SNTG1: variants seen among roughly 807,000 people sequenced by gnomAD.
SNTG1 encodes gamma-1-syntrophin.
A neutral mutation model predicts 74.7 loss-of-function variants in SNTG1; 39 were observed. That is an observed-to-expected ratio of 0.52 (90% confidence interval 0.40 to 0.68). The LOEUF (loss-of-function observed/expected upper bound fraction) is 0.68. SNTG1 is among the 30% of genes least tolerant of loss of function. SNTG1 has a pLI of 0.00. For synonymous variants in SNTG1, 254 were observed against 217.1 expected, an observed-to-expected ratio of 1.17 and a Z score of -1.49; for missense variants, 685 against 609.5, an observed-to-expected ratio of 1.12 and a Z score of -1.30.
At chr8:50,689,021 T>A (rs1277576899) in intron 15 of SNTG1, among the ~76,000 whole-genome samples, 8 of 151,132 alleles carry the variant, frequency 5.3e-5, no homozygotes, top group African/African-American at 2.0e-4. Flanking sequence ...TTGAAGCAAT[T>A]GTGAATGGGA....
At chr8:50,096,600 A>G (rs1041102130) in intron 1 of SNTG1, among the ~76,000 whole-genome samples, 1 of 152,190 alleles carries the variant, frequency 6.6e-6, no homozygotes, top group Non-Finnish European at 1.5e-5. Context: ...TCTGTTCATA[A>G]TATTACCTAC....
intron 1 of SNTG1, among the ~76,000 whole-genome samples, chr8:50,031,314 A>G (rs1320702746): frequency 6.6e-6 from 1 of 151,788 alleles, no homozygotes; most frequent in Non-Finnish European, 1.5e-5. Context: ...TTCTTTCCAG[A>G]TTTGTATGTC....
chr8:50,735,347 A>T (rs1364879264), intron 17 of SNTG1, among the ~76,000 whole-genome samples: 1 of 151,788 alleles, frequency 6.6e-6, no homozygotes, highest in Non-Finnish European at 1.5e-5. Flanking sequence ...CATGTTCTAA[A>T]CCAATGAAAG....
intron 15 of SNTG1, among the ~76,000 whole-genome samples, chr8:50,685,728 T>C (rs1431198102): frequency 1.3e-5 from 2 of 152,184 alleles, no homozygotes; most frequent in Non-Finnish European, 2.9e-5. Flanking sequence ...AAGCTGTCAC[T>C]GAATTCAGAC....
intron 2 of SNTG1, among the ~76,000 whole-genome samples, chr8:50,223,968 T>C (rs942230498): frequency 2.0e-5 from 3 of 152,032 alleles, no homozygotes; most frequent in African/African-American, 7.2e-5. Context: ...CCCAAACTGA[T>C]AGATTTAATA....
chr8:50,148,285 A>T (rs1232489531), intron 1 of SNTG1, among the ~76,000 whole-genome samples: 1 of 152,202 alleles, frequency 6.6e-6, no homozygotes, highest in Non-Finnish European at 1.5e-5. Flanking sequence ...ATATATGTTG[A>T]TATACCTCCT....
intron 2 of SNTG1, among the ~76,000 whole-genome samples, chr8:50,353,480 CT>C (rs200004336): frequency 2.0e-5 from 3 of 152,016 alleles, no homozygotes; most frequent in Non-Finnish European, 4.4e-5. Context: ...ATATTTTAGT[CT>C]TTTTTTTCAC....
At chr8:50,511,692 T>G (rs920571183) in intron 9 of SNTG1, among the ~76,000 whole-genome samples, 1 of 152,214 alleles carries the variant, frequency 6.6e-6, no homozygotes, top group Admixed American at 6.5e-5. Context: ...TCTCTTTTCA[T>G]CTTTGTTGGT....
intron 1 of SNTG1, among the ~76,000 whole-genome samples, chr8:50,040,813 C>T (rs970966999): frequency 1.3e-5 from 2 of 152,100 alleles, no homozygotes; most frequent in African/African-American, 4.8e-5. Context: ...TTATTAATTT[C>T]ATTAGGGATT....
intron 2 of SNTG1, among the ~76,000 whole-genome samples, chr8:50,245,623 C>T (rs1043930665): frequency 5.3e-5 from 8 of 152,058 alleles, no homozygotes; most frequent in Non-Finnish European, 1.2e-4. Flanking sequence ...GCGGAGGTTG[C>T]CATGAGCCGA....
At chr8:49,944,811 G>T (rs1437790133) in intron 1 of SNTG1, among the ~76,000 whole-genome samples, 1 of 151,234 alleles carries the variant, frequency 6.6e-6, no homozygotes, top group South Asian at 2.1e-4. Context: ...AAAAAAAGAT[G>T]GAGTTTCCCT....
intron 4 of SNTG1, among the ~76,000 whole-genome samples, chr8:50,431,309 G>C (rs976491317): frequency 1.3e-5 from 2 of 152,138 alleles, no homozygotes; most frequent in African/African-American, 4.8e-5. Context: ...GTTCCCCTCT[G>C]ATAGGAGATA....
chr8:50,689,269 C>T (rs994895567), intron 15 of SNTG1, among the ~76,000 whole-genome samples: 2 of 152,122 alleles, frequency 1.3e-5, no homozygotes, highest in Non-Finnish European at 2.9e-5. Flanking sequence ...TTGCCCTGGC[C>T]AGAACTTCCA....
intron 13 of SNTG1, among the ~76,000 whole-genome samples, chr8:50,652,478 C>G (rs919897717): frequency 1.3e-5 from 2 of 151,942 alleles, no homozygotes; most frequent in African/African-American, 4.8e-5. Flanking sequence ...GTAGTTCCAT[C>G]CGTTTTTCAT....
chr8:50,182,314 A>G (rs952573153), intron 2 of SNTG1, among the ~76,000 whole-genome samples: 2 of 152,116 alleles, frequency 1.3e-5, no homozygotes, highest in African/African-American at 4.8e-5. Context: ...CCCTTCTCCA[A>G]AGTTAGGTGG....
At chr8:50,657,173 T>G (rs920688373) in intron 14 of SNTG1, 148 bp downstream of exon 14, 8 of 426,276 alleles carry the variant, frequency 1.9e-5, no homozygotes, top group Non-Finnish European at 2.5e-5. Context: ...TTTAACTTAC[T>G]AAAATATATA....
intron 1 of SNTG1, among the ~76,000 whole-genome samples, chr8:49,972,837 T>A (rs1204322992): frequency 6.6e-6 from 1 of 152,144 alleles, no homozygotes; most frequent in African/African-American, 2.4e-5. Flanking sequence ...CCAGTTAGAA[T>A]GGTGATCATT....
intron 1 of SNTG1, among the ~76,000 whole-genome samples, chr8:50,127,013 C>G (rs6472947): frequency 0.32 from 49,283 of 151,994 alleles, 9,892 homozygotes; most frequent in African/African-American, 0.57. Context: ...AAGAACCTCC[C>G]CAGTCAGGGA....
At chr8:50,467,625 T>C (rs2093619582) in intron 8 of SNTG1, among the ~76,000 whole-genome samples, 1 of 151,944 alleles carries the variant, frequency 6.6e-6, no homozygotes, top group African/African-American at 2.4e-5. Context: ...GTTTTTTGTG[T>C]TTGCTTTCCA....
Sources: allele counts gnomAD v4.1 joint callset (sites outside exome capture counted in the v4.1 genomes callset), GRCh38; gene constraint gnomAD v4.1.1; transcripts MANE v1.5; gene names NCBI Gene and HGNC (gene_info 2026-07-23, HGNC 2026-07-21).